Variants in PRKCE observed in about 807,000 individuals in gnomAD.
The protein encoded by PRKCE is protein kinase C epsilon type.
PRKCE carries 16 observed loss-of-function variants against 85.4 expected under a neutral mutation model. That is an observed-to-expected ratio of 0.19 (90% confidence interval 0.13 to 0.28). The LOEUF (loss-of-function observed/expected upper bound fraction) is 0.28. Ranked by LOEUF, PRKCE falls within the 10% of genes least tolerant of loss-of-function variation. The probability of loss-of-function intolerance (pLI) is 1.00; values close to 1 mark genes in which losing one functional copy is unlikely to be tolerated. For synonymous variants in PRKCE, 388 were observed against 371.5 expected, an observed-to-expected ratio of 1.04 and a Z score of -0.51; for missense variants, 573 against 975.2, an observed-to-expected ratio of 0.59 and a Z score of 5.49.
chr2:46,150,926 C>T (rs1676561360), intron 12 of PRKCE, 115 bp from the exon 13 acceptor site: 5 of 937,108 alleles, frequency 5.3e-6, no homozygotes, highest in Non-Finnish European at 7.8e-6. Context: ...GACTAGGACT[C>T]AACTGTAGGG....
intron 6 of PRKCE, among the ~76,000 whole-genome samples, chr2:45,985,548 G>A (rs986904484): frequency 4.6e-5 from 7 of 152,120 alleles, no homozygotes; most frequent in African/African-American, 1.7e-4. Context: ...AGAAAAATTA[G>A]AAGAATATAA....
At chr2:46,052,838 A>G (rs1372863811) in intron 10 of PRKCE, among the ~76,000 whole-genome samples, 1 of 151,228 alleles carries the variant, frequency 6.6e-6, no homozygotes, top group Admixed American at 6.6e-5. Flanking sequence ...GAGAGTTCAG[A>G]AATGAACACT....
chr2:45,981,526 A>C (rs1195497715), intron 5 of PRKCE, among the ~76,000 whole-genome samples: 2 of 152,186 alleles, frequency 1.3e-5, no homozygotes, highest in African/African-American at 4.8e-5. Context: ...GCTTAGACTG[A>C]GCCTTCTGTG....
intron 1 of PRKCE, among the ~76,000 whole-genome samples, chr2:45,823,191 G>A (rs1689676343): frequency 6.6e-6 from 1 of 152,208 alleles, no homozygotes. Flanking sequence ...TGAATATTGG[G>A]ATAGATTCCC....
At chr2:45,823,091 A>G (rs964889964) in intron 1 of PRKCE, among the ~76,000 whole-genome samples, 1 of 152,154 alleles carries the variant, frequency 6.6e-6, no homozygotes, top group African/African-American at 2.4e-5. Flanking sequence ...GTCCCCAAGG[A>G]GCCTGGGCTC....
intron 2 of PRKCE, among the ~76,000 whole-genome samples, chr2:45,888,465 C>CTTT (rs34871432): frequency 0.022 from 1,672 of 74,738 alleles, 52 homozygotes; most frequent in East Asian, 0.039. Context: ...TCCCAACAGT[C>CTTT]TTTTTTTTTT....
chr2:46,060,756 T>G (rs1241621589), intron 10 of PRKCE, among the ~76,000 whole-genome samples: 1 of 151,596 alleles, frequency 6.6e-6, no homozygotes, highest in East Asian at 1.9e-4. Flanking sequence ...TTTTTTTTTT[T>G]TTGTTTTTTT....
intron 11 of PRKCE, among the ~76,000 whole-genome samples, chr2:46,107,431 T>C (rs994779356): frequency 6.6e-6 from 1 of 152,220 alleles, no homozygotes; most frequent in African/African-American, 2.4e-5. Flanking sequence ...TATTCCACTT[T>C]ATGGCTGTAC....
At chr2:45,878,932 T>C (rs1409969209) in intron 2 of PRKCE, among the ~76,000 whole-genome samples, 2 of 152,226 alleles carry the variant, frequency 1.3e-5, no homozygotes, top group South Asian at 2.1e-4. Flanking sequence ...GTAGACATCT[T>C]TTTAAATTGA....
chr2:45,922,327 G>T (rs1029894275), intron 2 of PRKCE, among the ~76,000 whole-genome samples: 6 of 152,064 alleles, frequency 3.9e-5, no homozygotes, highest in Non-Finnish European at 7.4e-5. Context: ...TGGACTAGAG[G>T]CCCCAAAACT....
rs185619863 is a variant in PRKCE, at chr2:46,153,570, G to T, written c.1920+2341G>T. ...ACTAAGGCGAGGTTTCAGTCAGGTG[G>T]CTACTGGGGGAAAGGGCGTCTGTTC... On this transcript the variant is annotated intron_variant, in intron 13 of 14. Transcript: ENST00000306156. 2.6e-3 allele frequency among the ~76,000 whole-genome samples: 396 copies of T among 152,258 alleles called. 3 individuals are homozygous for T. Among genetic ancestry groups the T allele is most frequent in the African/African-American group, 8.7e-3 (363 of 41,538 alleles).
intron 1 of PRKCE, among the ~76,000 whole-genome samples, chr2:45,794,823 G>A (rs1687292375): frequency 6.7e-6 from 1 of 150,154 alleles, no homozygotes; most frequent in African/African-American, 2.5e-5. Flanking sequence ...GAATCCTATG[G>A]GGGAGGGACA....
intron 1 of PRKCE, among the ~76,000 whole-genome samples, chr2:45,773,092 G>A (rs1018892128): frequency 1.5e-4 from 23 of 152,172 alleles, no homozygotes; most frequent in African/African-American, 5.6e-4. Flanking sequence ...GGCACTGGCT[G>A]CATAGCCCCT....
intron 10 of PRKCE, among the ~76,000 whole-genome samples, chr2:46,070,424 A>G (rs1056476566): frequency 6.6e-6 from 1 of 152,230 alleles, no homozygotes; most frequent in Non-Finnish European, 1.5e-5. Flanking sequence ...AGGGTGGATC[A>G]CGAGGTCAGG....
chr2:45,876,277 A>G (rs1461922096), intron 2 of PRKCE, among the ~76,000 whole-genome samples: 1 of 152,198 alleles, frequency 6.6e-6, no homozygotes, highest in Non-Finnish European at 1.5e-5. Flanking sequence ...ACTATAAATC[A>G]CAATTCTTTT....
At chr2:46,104,296 C>CTTTTTTTTTTTT (rs59018550) in intron 11 of PRKCE, among the ~76,000 whole-genome samples, 13 of 118,502 alleles carry the variant, frequency 1.1e-4, no homozygotes, top group African/African-American at 1.6e-4. Flanking sequence ...TCACCTTGTA[C>CTTTTTTTTTTTT]TTTTTTTTTT....
intron 11 of PRKCE, among the ~76,000 whole-genome samples, chr2:46,094,608 C>A (rs908857784): frequency 1.4e-5 from 2 of 143,742 alleles, no homozygotes; most frequent in Non-Finnish European, 3.0e-5. Flanking sequence ...TGGGGAACTA[C>A]ACACACTGGG....
chr2:45,903,067 G>A (rs1696691069), intron 2 of PRKCE, among the ~76,000 whole-genome samples: 1 of 152,174 alleles, frequency 6.6e-6, no homozygotes. Flanking sequence ...TTGAGTTGAG[G>A]AAATGCTAGT....
At chr2:46,085,736 G>GTTTTTTTTTTTGTTTT (rs1669546446) in intron 10 of PRKCE, among the ~76,000 whole-genome samples, 1 of 104,564 alleles carries the variant, frequency 9.6e-6, no homozygotes, top group African/African-American at 4.4e-5. Flanking sequence ...TGCAAAATCC[G>GTTTTTTTTTTTGTTTT]TTTTTTTTTT....
Sources: allele counts gnomAD v4.1 joint callset (sites outside exome capture counted in the v4.1 genomes callset), GRCh38; gene constraint gnomAD v4.1.1; transcripts MANE v1.5; gene names NCBI Gene and HGNC (gene_info 2026-07-23, HGNC 2026-07-21).